Variants in MCTP2 observed in about 807,000 individuals in gnomAD.
MCTP2 encodes the protein multiple C2 and transmembrane domain-containing protein 2.
Under a neutral mutation model 111.6 loss-of-function variants are expected in MCTP2, and 132 were observed. The ratio of observed to expected loss-of-function variants is 1.18; its 90% CI spans 1.03 to 1.37. The LOEUF is 1.37. Among genes scored for constraint, MCTP2 ranks in the 40% most tolerant of loss-of-function variants. The pLI, the probability that MCTP2 is intolerant of heterozygous loss-of-function variation, is 0.00. For missense variants in MCTP2, 1,183 were observed against 1,067.9 expected (o/e 1.11, Z -1.50); for synonymous variants, 395 against 387.7 (o/e 1.02, Z -0.22).
intron 1 of MCTP2, among the ~76,000 whole-genome samples, chr15:94,274,922 A>G (rs749495898): frequency 2.2e-4 from 34 of 152,216 alleles, no homozygotes; most frequent in Non-Finnish European, 4.0e-4. Context: ...AGGTGTAAAA[A>G]TCCTAAGACA....
chr15:94,234,873 A>T (rs2152206326), intron 1 of MCTP2, among the ~76,000 whole-genome samples: 1 of 152,194 alleles, frequency 6.6e-6, no homozygotes, highest in South Asian at 2.1e-4. Flanking sequence ...GGGGCCTTGG[A>T]GGGTTCCTGA....
At position 94,476,773 on chromosome 15, in the gene MCTP2, G is replaced by A. The variant is rs767417766; in HGVS notation, c.2548G>A (p.Val850Ile). Residue 850 changes from valine (V) to isoleucine (I), a missense_variant, in exon 22 of 23, where the codon GTA (valine) becomes ATA (isoleucine). Transcript: ENST00000357742. Reference sequence around the variant, plus strand: ...TGAGCTACTAGACTTCCTCTCTAGGGTACCGTCTGATGTTCAAAAGGTATG... The same window carrying A: ...TGAGCTACTAGACTTCCTCTCTAGGATACCGTCTGATGTTCAAAAGGTATG... ...NNELLDFLSR[V>I]PSDVQKVQYA... 3 of 1,602,098 alleles carry A rather than the reference G, an allele frequency of 1.9e-6. No homozygotes were observed. The highest frequency in any genetic ancestry group is 1.3e-5 in the African/African-American group (1 of 74,722).
At chr15:94,244,680 TTATA>T (rs770975875) in intron 1 of MCTP2, among the ~76,000 whole-genome samples, 9 of 148,440 alleles carry the variant, frequency 6.1e-5, no homozygotes, top group Admixed American at 4.0e-4. Flanking sequence ...CCACCTATGT[TTATA>T]TACGTATATG....
intron 14 of MCTP2, among the ~76,000 whole-genome samples, chr15:94,391,461 T>G (rs1452393566): frequency 6.6e-6 from 1 of 152,134 alleles, no homozygotes; most frequent in Non-Finnish European, 1.5e-5. Flanking sequence ...GGGCATAGAT[T>G]TGGTTGGCAA....
intron 13 of MCTP2, 133 bp downstream of exon 13, chr15:94,384,257 T>C: frequency 3.5e-6 from 2 of 574,230 alleles, no homozygotes; most frequent in Admixed American, 3.3e-5. Flanking sequence ...AAACCTTGTA[T>C]CCTTTCATTT....
intron 2 of MCTP2, among the ~76,000 whole-genome samples, chr15:94,300,509 C>CAAA (rs34484349): frequency 7.9e-5 from 10 of 126,346 alleles, no homozygotes; most frequent in Admixed American, 1.6e-4. Context: ...GACTCTGTCT[C>CAAA]AAAAAAAAAA....
chr15:94,429,825 T>C (rs1171682421), intron 17 of MCTP2, among the ~76,000 whole-genome samples: 12 of 152,222 alleles, frequency 7.9e-5, no homozygotes, highest in Non-Finnish European at 1.2e-4. Flanking sequence ...TGTCTCCACG[T>C]GGACATCTAA....
chr15:94,303,133 A>ATATATATAGTT, intron 2 of MCTP2, among the ~76,000 whole-genome samples: 1 of 143,544 alleles, frequency 7.0e-6, no homozygotes, highest in African/African-American at 2.6e-5. Context: ...TATATAGTTT[A>ATATATATAGTT]TATATATATA....
chr15:94,398,931 A>G (rs781531215), intron 14 of MCTP2, 30 bp from the exon 15 acceptor site: 6 of 1,330,356 alleles, frequency 4.5e-6, no homozygotes, highest in Non-Finnish European at 5.4e-6. Flanking sequence ...ATTTTGCACC[A>G]ATGTGTATTT....
At chr15:94,295,927 A>AAAAT (rs1462500601) in intron 1 of MCTP2, among the ~76,000 whole-genome samples, 1 of 151,850 alleles carries the variant, frequency 6.6e-6, no homozygotes, top group Non-Finnish European at 1.5e-5. Flanking sequence ...AAAAAAAAAA[A>AAAAT]AATTCTGTCT....
chr15:94,462,845 T>C (rs2085300269), intron 20 of MCTP2, among the ~76,000 whole-genome samples: 1 of 152,212 alleles, frequency 6.6e-6, no homozygotes, highest in South Asian at 2.1e-4. Flanking sequence ...TTAGTACATA[T>C]AAAGAGTTTA....
chr15:94,277,880 T>C (rs529210783), intron 1 of MCTP2, among the ~76,000 whole-genome samples: 100 of 152,284 alleles, frequency 6.6e-4, no homozygotes, highest in African/African-American at 2.3e-3. Context: ...ATAACAAATG[T>C]ATCACACTAA....
At chr15:94,326,492 C>T (rs911163340) in intron 4 of MCTP2, among the ~76,000 whole-genome samples, 2 of 152,002 alleles carry the variant, frequency 1.3e-5, no homozygotes, top group African/African-American at 4.8e-5. Flanking sequence ...TGAGAAAGAC[C>T]TATTTGTTGA....
At chr15:94,443,121 C>T (rs1231240417) in intron 19 of MCTP2, among the ~76,000 whole-genome samples, 161 bp downstream of exon 19, 1 of 149,862 alleles carries the variant, frequency 6.7e-6, no homozygotes, top group East Asian at 2.0e-4. Flanking sequence ...AAGGATATCC[C>T]TTTTTAAGAT....
chr15:94,424,304 AT>A (rs2082770339), intron 17 of MCTP2, among the ~76,000 whole-genome samples: 2 of 150,320 alleles, frequency 1.3e-5, no homozygotes. Context: ...GGATATTTTC[AT>A]TTTGTTTTTT....
intron 2 of MCTP2, among the ~76,000 whole-genome samples, chr15:94,301,796 T>TTTGATA (rs2075627776): frequency 6.6e-6 from 1 of 152,122 alleles, no homozygotes; most frequent in African/African-American, 2.4e-5. Flanking sequence ...TTGGCTGAAA[T>TTTGATA]TTGATATTGA....
chr15:94,259,103 A>G (rs976354127), intron 1 of MCTP2, among the ~76,000 whole-genome samples: 1 of 152,192 alleles, frequency 6.6e-6, no homozygotes, highest in Non-Finnish European at 1.5e-5. Flanking sequence ...TCCCTGGGCC[A>G]TGCTCACTCA....
chr15:94,273,600 C>T (rs1017049417), intron 1 of MCTP2: 7 of 202,780 alleles, frequency 3.5e-5, no homozygotes, highest in Non-Finnish European at 7.5e-5. Context: ...CCCTGCTCTC[C>T]AAAGAGCTGA....
Position 94,276,054 on chromosome 15 carries a change from C to G in MCTP2, c.-65-22147C>G, listed in dbSNP as rs547171319. Among the ~76,000 whole-genome samples, 10 of 152,056 alleles carry G rather than the reference C, an allele frequency of 6.6e-5. No homozygotes were observed. The South Asian group carries it at 8.3e-4, about 13-fold the overall frequency. On this transcript the variant is annotated intron_variant, in intron 1 of 22. Coordinates refer to ENST00000357742, the MANE Select transcript of MCTP2 (RefSeq NM_001385001.1). Reference sequence around the variant, plus strand: ...AGAGATGGGATTTCACCGTGTTAGCCAGGATGGTCTTGATCTCCTGACCTT... The same window carrying G: ...AGAGATGGGATTTCACCGTGTTAGCGAGGATGGTCTTGATCTCCTGACCTT...
Sources: gnomAD v4.1 joint callset for allele counts (sites outside exome capture counted in the v4.1 genomes callset) on GRCh38, gnomAD v4.1.1 for gene constraint, MANE v1.5 for transcripts, NCBI Gene and HGNC (gene_info 2026-07-23, HGNC 2026-07-21) for gene names.